The following WDR70 variants were observed in gnomAD, a reference collection of about 807,000 sequenced individuals.
WDR70 encodes the protein WD repeat-containing protein 70.
A neutral mutation model predicts 88.6 loss-of-function variants in WDR70; 53 were observed. That is an observed-to-expected ratio of 0.60 (90% CI 0.48 to 0.75). WDR70 has a LOEUF of 0.75. Ranked by LOEUF, WDR70 falls within the 30% of genes least tolerant of loss-of-function variation. The probability of loss-of-function intolerance (pLI) is 0.00; values close to 1 mark genes in which losing one functional copy is unlikely to be tolerated. For synonymous variants in WDR70, 280 were observed against 270.0 expected (o/e 1.04, Z -0.36); for missense variants, 610 against 823.2 (o/e 0.74, Z 3.17).
chr5:37,397,158 C>G (rs889472437), intron 5 of WDR70, among the ~76,000 whole-genome samples: 2 of 150,736 alleles, frequency 1.3e-5, no homozygotes, highest in Non-Finnish European at 3.0e-5. Context: ...CCCAACCCCC[C>G]CGCAAAAAAC....
At chr5:37,483,975 G>A (rs1390023832) in intron 8 of WDR70, among the ~76,000 whole-genome samples, 3 of 151,332 alleles carry the variant, frequency 2.0e-5, no homozygotes, top group Non-Finnish European at 4.4e-5. Flanking sequence ...GGGCAGAGGC[G>A]CTCCCCACAT....
At chr5:37,662,296 G>A (rs1420813390) in intron 10 of WDR70, among the ~76,000 whole-genome samples, 1 of 152,162 alleles carries the variant, frequency 6.6e-6, no homozygotes, top group Non-Finnish European at 1.5e-5. Context: ...TGAGCTTGTG[G>A]AAGTAGCACA....
At chr5:37,555,405 G>T (rs1195690498) in intron 9 of WDR70, among the ~76,000 whole-genome samples, 1 of 152,124 alleles carries the variant, frequency 6.6e-6, no homozygotes, top group Non-Finnish European at 1.5e-5. Context: ...AGGTTATGAG[G>T]TAATAAGTCT....
chr5:37,573,277 G>A (rs965594623), intron 9 of WDR70, among the ~76,000 whole-genome samples: 1 of 151,960 alleles, frequency 6.6e-6, no homozygotes, highest in African/African-American at 2.4e-5. Flanking sequence ...CTTCTTTACT[G>A]GGTCATTTCA....
At chr5:37,444,038 A>C (rs1037503043) in intron 7 of WDR70, among the ~76,000 whole-genome samples, 2 of 151,662 alleles carry the variant, frequency 1.3e-5, no homozygotes, top group Admixed American at 1.3e-4. Flanking sequence ...AATCCCAGCT[A>C]CTTCGGAGGC....
At chr5:37,456,986 T>C (rs1341347045) in intron 7 of WDR70, among the ~76,000 whole-genome samples, 2 of 152,344 alleles carry the variant, frequency 1.3e-5, no homozygotes, top group Non-Finnish European at 2.9e-5. Flanking sequence ...AGTGAGGTAC[T>C]ATGTATTACC....
intron 5 of WDR70, among the ~76,000 whole-genome samples, chr5:37,421,687 T>C (rs931954246): frequency 6.6e-6 from 1 of 152,136 alleles, no homozygotes; most frequent in Non-Finnish European, 1.5e-5. Flanking sequence ...ATGCTTTGTT[T>C]CCTAAATGAA....
At chr5:37,426,071 C>A (rs1041933106) in intron 5 of WDR70, among the ~76,000 whole-genome samples, 12 of 152,080 alleles carry the variant, frequency 7.9e-5, no homozygotes, top group Non-Finnish European at 1.5e-4. Context: ...GAAGCTCTGA[C>A]AATGAACAAG....
At chr5:37,419,360 C>T (rs938757095) in intron 5 of WDR70, among the ~76,000 whole-genome samples, 5 of 151,552 alleles carry the variant, frequency 3.3e-5, no homozygotes, top group Non-Finnish European at 5.9e-5. Flanking sequence ...CGCCTGCCAC[C>T]GTGCCCGGCT....
At chr5:37,651,125 C>A (rs1314420590) in intron 10 of WDR70, among the ~76,000 whole-genome samples, 1 of 152,046 alleles carries the variant, frequency 6.6e-6, no homozygotes, top group Non-Finnish European at 1.5e-5. Context: ...CCTCCATCCC[C>A]CAACAAGCCC....
intron 10 of WDR70, among the ~76,000 whole-genome samples, chr5:37,624,552 T>C (rs1318234099): frequency 1.3e-5 from 2 of 152,192 alleles, no homozygotes; most frequent in Non-Finnish European, 2.9e-5. Context: ...TTGGATACCG[T>C]AGGGGATAAG....
intron 9 of WDR70, among the ~76,000 whole-genome samples, chr5:37,599,484 A>G (rs55960353): frequency 0.4 from 61,368 of 152,152 alleles, 14,800 homozygotes; most frequent in Non-Finnish European, 0.54. Flanking sequence ...AACCACTTAC[A>G]CCCTTACATT....
intron 10 of WDR70, among the ~76,000 whole-genome samples, chr5:37,676,733 A>T (rs1348562440): frequency 6.6e-6 from 1 of 151,574 alleles, no homozygotes; most frequent in Non-Finnish European, 1.5e-5. Context: ...TGGTATCAGG[A>T]TGATGCTGGC....
intron 14 of WDR70, chr5:37,722,543 G>A (rs1747853339): frequency 1.0e-5 from 3 of 287,684 alleles, no homozygotes; most frequent in Non-Finnish European, 2.0e-5. Context: ...TGAAAAGGTT[G>A]GGTAATTTTA....
At position 37,417,265 on chromosome 5, in the gene WDR70, T is replaced by G. The variant is rs1376617260; in HGVS notation, c.493-20657T>G. ...TTGAGACAGGGTCTTGCTCTGTCAC[T>G]CAGACTAGAGTGCAGTGGCATGCTC... is the stretch of plus-strand genomic sequence containing the variant. On this transcript the variant is annotated intron_variant, in intron 5 of 17. Transcript: ENST00000265107. Among the ~76,000 whole-genome samples, 5 of 152,152 alleles carry G rather than the reference T, an allele frequency of 3.3e-5. No homozygotes were observed. The South Asian group carries it at 6.2e-4, about 19-fold the overall frequency.
At chr5:37,440,358 T>G (rs934874234) in intron 6 of WDR70, among the ~76,000 whole-genome samples, 13 of 152,180 alleles carry the variant, frequency 8.5e-5, no homozygotes, top group African/African-American at 3.1e-4. Context: ...GACACTTTTT[T>G]TTTTTGAGAC....
chr5:37,531,533 C>A (rs1741482574), intron 9 of WDR70, among the ~76,000 whole-genome samples: 1 of 149,162 alleles, frequency 6.7e-6, no homozygotes, highest in East Asian at 2.0e-4. Flanking sequence ...TCCTTTTTAT[C>A]ATTATATGAT....
At chr5:37,648,491 T>C (rs1210509494) in intron 10 of WDR70, among the ~76,000 whole-genome samples, 2 of 150,682 alleles carry the variant, frequency 1.3e-5, no homozygotes, top group African/African-American at 5.0e-5. Context: ...TTTTAAAAAA[T>C]AGTTTTATTT....
At position 37,678,535 on chromosome 5, in the gene WDR70, T is replaced by G. The variant is rs1311231398; in HGVS notation, c.1093-19120T>G. Reference sequence around the variant, plus strand: ...TGAAATTCTGGGTTGAAAATTCTTTTCTTTAAGAATGTTGAATATTGGCCC... The same window carrying G: ...TGAAATTCTGGGTTGAAAATTCTTTGCTTTAAGAATGTTGAATATTGGCCC... On this transcript the variant is annotated intron_variant, in intron 10 of 17. Transcript: ENST00000265107. Among the ~76,000 whole-genome samples the G allele has an allele frequency of 2.0e-5, 3 of 148,174 alleles. 1 individual carries two copies. The South Asian group carries it at 6.5e-4, about 32-fold the overall frequency.
Sources: allele counts gnomAD v4.1 joint callset (sites outside exome capture counted in the v4.1 genomes callset), GRCh38; gene constraint gnomAD v4.1.1; transcripts MANE v1.5; gene names NCBI Gene and HGNC (gene_info 2026-07-23, HGNC 2026-07-21).